The following RALGPS1 variants were observed in gnomAD, a reference collection of about 807,000 sequenced individuals.
RALGPS1 encodes the protein Ral GEF with PH domain and SH3 binding motif 1.
A neutral mutation model predicts 78.8 loss-of-function variants in RALGPS1; 19 were observed. The observed-to-expected ratio is 0.24, with a 90% CI of 0.17 to 0.35. RALGPS1 has a LOEUF of 0.35. Among genes scored for constraint, RALGPS1 ranks in the 10% least tolerant of loss-of-function variants. The pLI is 1.00. For synonymous variants in RALGPS1, 228 were observed against 256.3 expected, an observed-to-expected ratio of 0.89 and a Z score of 1.06; for missense variants, 454 against 688.3, an observed-to-expected ratio of 0.66 and a Z score of 3.81.
At chr9:127,077,547 G>T (rs1378977729) in intron 8 of RALGPS1, among the ~76,000 whole-genome samples, 1 of 152,184 alleles carries the variant, frequency 6.6e-6, no homozygotes, top group African/African-American at 2.4e-5. Context: ...GGTGGCCGTT[G>T]CCCCCTTGAT....
At position 127,034,521 on chromosome 9, in the gene RALGPS1, A is replaced by G; in HGVS notation, c.300+7A>G. The stretch of plus-strand genomic sequence containing the variant: ...TACCCGGAGGTTTAACCAGGTAAGC[A>G]ACACCCCTTGCATGTGCCTATCCAG... On this transcript the variant is annotated splice_region_variant and intron_variant, in intron 5 of 18. Coordinates refer to ENST00000259351, the MANE Select transcript of RALGPS1 (RefSeq NM_014636.3). The G allele has an allele frequency of 1.2e-6, 2 of 1,612,530 alleles. No individual in the cohort carries two copies. The highest frequency in any genetic ancestry group is 1.7e-6 in the Non-Finnish European group (2 of 1,178,598).
chr9:127,199,137 C>T, intron 14 of RALGPS1, 71 bp downstream of exon 14: 1 of 1,469,172 alleles, frequency 6.8e-7, no homozygotes, highest in East Asian at 2.3e-5. Context: ...AAGACAGGCC[C>T]CGGGCAGGGA....
At position 127,218,743 on chromosome 9, in the gene RALGPS1, C is replaced by A. The variant is rs200288518; in HGVS notation, c.1648C>A (p.Pro550Thr). Residue 550 changes from proline (P) to threonine (T), a missense_variant, in exon 19 of 19, where the codon CCT becomes ACT. Transcript: ENST00000259351. The surrounding 1 kb of genome is among the most constrained non-coding windows in gnomAD (Gnocchi z 4.4). ...GAGGCTGAGCTTTCTCTTCTAGGTA[C>A]CTGCAAACCTTATGTCATTTGAGTA... The part of the protein sequence containing the change: ...DACKSNRPQV[P>T]ANLMSFE 6.2e-7 allele frequency: 1 copy of A among 1,614,058 alleles called. No homozygotes were observed. The highest frequency in any genetic ancestry group is 2.2e-5 in the East Asian group (1 of 44,890).
intron 1 of RALGPS1, among the ~76,000 whole-genome samples, chr9:126,917,542 G>T (rs376335096): frequency 3.3e-5 from 5 of 152,338 alleles, no homozygotes; most frequent in East Asian, 1.9e-4. Flanking sequence ...GCCACCTCCT[G>T]CTGAGTGAAC....
At chr9:127,026,079 T>C (rs2094538) in intron 4 of RALGPS1, among the ~76,000 whole-genome samples, 2,642 of 152,076 alleles carry the variant, frequency 0.017, 88 homozygotes, top group African/African-American at 0.06. Context: ...AAAAGGGAGT[T>C]TATTAAGTAT....
intron 4 of RALGPS1, among the ~76,000 whole-genome samples, chr9:127,010,794 G>A (rs1452337226): frequency 7.2e-5 from 11 of 152,302 alleles, no homozygotes; most frequent in Non-Finnish European, 1.2e-4. Context: ...ACATGACTTG[G>A]GTCAGATGTG....
intron 1 of RALGPS1, among the ~76,000 whole-genome samples, chr9:126,949,551 C>T (rs2037611145): frequency 6.6e-6 from 1 of 152,222 alleles, no homozygotes; most frequent in African/African-American, 2.4e-5. Context: ...ATTTGCATTT[C>T]TCTGATGACC....
chr9:127,053,075 C>T, intron 7 of RALGPS1, 136 bp downstream of exon 7: 1 of 661,666 alleles, frequency 1.5e-6, no homozygotes, highest in South Asian at 1.9e-5. Context: ...GATGACAGTT[C>T]TGTAGGCATC....
At chr9:127,213,143 G>T in intron 17 of RALGPS1, 94 bp downstream of exon 17, 2 of 1,541,444 alleles carry the variant, frequency 1.3e-6, no homozygotes, top group Non-Finnish European at 8.7e-7. Context: ...GAGCTTTTGA[G>T]GCTGCTGCCT....
At chr9:126,970,181 T>C (rs1257742090) in intron 3 of RALGPS1, among the ~76,000 whole-genome samples, 1 of 152,114 alleles carries the variant, frequency 6.6e-6, no homozygotes, top group Non-Finnish European at 1.5e-5. Flanking sequence ...TAGCAAACCC[T>C]GAAACCCATG....
In RALGPS1 at chr9:127,159,445, A is replaced by G. The variant is rs2058891670; in HGVS notation, c.611-6624A>G. ...ACAACCCCAAGTCATACACAAGGCCATGTGCTCATCCAGAAAGCGTGGCCT... is the reference window on the plus strand; with the variant it reads ...ACAACCCCAAGTCATACACAAGGCCGTGTGCTCATCCAGAAAGCGTGGCCT... On this transcript the variant is annotated intron_variant, in intron 8 of 18. Coordinates refer to ENST00000259351, the MANE Select transcript of RALGPS1 (RefSeq NM_014636.3). Among the ~76,000 whole-genome samples the G allele has an allele frequency of 2.0e-5, 3 of 152,204 alleles. No homozygotes were observed. In the South Asian group the frequency reaches 6.2e-4, roughly 31 times the overall value.
chr9:127,041,045 G>GTGTGTGTGTGTGTGTGTGTC (rs2047262014), intron 5 of RALGPS1, among the ~76,000 whole-genome samples: 1 of 151,110 alleles, frequency 6.6e-6, no homozygotes, highest in Non-Finnish European at 1.5e-5. Context: ...GTGTGTGTGT[G>GTGTGTGTGTGTGTGTGTGTC]TGTGTGTGTG....
chr9:127,186,053 A>G (rs2060622832), intron 11 of RALGPS1, among the ~76,000 whole-genome samples: 1 of 152,172 alleles, frequency 6.6e-6, no homozygotes, highest in African/African-American at 2.4e-5. Flanking sequence ...ATCACTGTTC[A>G]TCATCCTGTC....
At chr9:126,922,368 G>A (rs1336884149) in intron 1 of RALGPS1, among the ~76,000 whole-genome samples, 2 of 152,124 alleles carry the variant, frequency 1.3e-5, no homozygotes, top group African/African-American at 4.8e-5. Context: ...GGAAGAATAG[G>A]GAATGTATTT....
intron 1 of RALGPS1, among the ~76,000 whole-genome samples, chr9:126,923,797 G>T (rs1406545096): frequency 1.3e-5 from 2 of 152,186 alleles, no homozygotes; most frequent in Admixed American, 1.3e-4. Context: ...AGCCTCCCAA[G>T]TAGCTCCCAA....
At chr9:126,921,159 A>G (rs1483312197) in intron 1 of RALGPS1, among the ~76,000 whole-genome samples, 1 of 152,222 alleles carries the variant, frequency 6.6e-6, no homozygotes, top group Non-Finnish European at 1.5e-5. Flanking sequence ...GCTGTTTCTC[A>G]GGATCCTAGT....
At chr9:126,915,731 C>T (rs747683329) in intron 1 of RALGPS1, among the ~76,000 whole-genome samples, 4 of 147,206 alleles carry the variant, frequency 2.7e-5, no homozygotes, top group Admixed American at 6.8e-5. Context: ...CTGTTTTTCG[C>T]ACCTCAGGGG....
intron 8 of RALGPS1, among the ~76,000 whole-genome samples, chr9:127,144,624 A>G (rs948662362): frequency 7.2e-5 from 11 of 152,256 alleles, no homozygotes; most frequent in Non-Finnish European, 1.5e-4. Context: ...GGATGAATAG[A>G]TAAACAAAAA....
intron 8 of RALGPS1, among the ~76,000 whole-genome samples, chr9:127,096,222 A>T (rs2053118667): frequency 6.6e-6 from 1 of 152,106 alleles, no homozygotes; most frequent in East Asian, 1.9e-4. Context: ...GAAGGAGAAA[A>T]AGGTTTTGGT....
Sources: allele counts gnomAD v4.1 joint callset (sites outside exome capture counted in the v4.1 genomes callset), GRCh38; gene constraint gnomAD v4.1.1; non-coding constraint Gnocchi (gnomAD v3.1); transcripts MANE v1.5; gene names NCBI Gene and HGNC (gene_info 2026-07-23, HGNC 2026-07-21).